The following UBE2E3 variants were observed in gnomAD, a reference collection of about 807,000 sequenced individuals.
UBE2E3 encodes ubiquitin conjugating enzyme E2 E3.
In UBE2E3, 5 loss-of-function variants were observed where a neutral mutation model predicts 23.6. The observed-to-expected ratio is 0.21, with a 90% CI of 0.11 to 0.44. The LOEUF is 0.44. UBE2E3 is among the 20% of genes least tolerant of loss of function. The pLI is 0.99. For missense variants in UBE2E3, 81 were observed against 249.8 expected, an observed-to-expected ratio of 0.32 and a Z score of 4.55; for synonymous variants, 78 against 87.5, an observed-to-expected ratio of 0.89 and a Z score of 0.60.
At chr2:181,056,081 TAAA>T (rs58442227) in intron 3 of UBE2E3, among the ~76,000 whole-genome samples, 7 of 135,654 alleles carry the variant, frequency 5.2e-5, no homozygotes, top group Admixed American at 1.5e-4. Context: ...AGGAAATGCT[TAAA>T]AAAAAAAAAA....
chr2:181,037,758 C>T (rs1686346818), intron 3 of UBE2E3, among the ~76,000 whole-genome samples: 1 of 151,998 alleles, frequency 6.6e-6, no homozygotes, highest in African/African-American at 2.4e-5. Flanking sequence ...TATTTGAGGC[C>T]AGAAGTTTGA....
At chr2:181,022,541 A>G (rs1367290616) in intron 3 of UBE2E3, among the ~76,000 whole-genome samples, 1 of 152,140 alleles carries the variant, frequency 6.6e-6, no homozygotes, top group Non-Finnish European at 1.5e-5. Context: ...GGCCAACAGC[A>G]CTATAACCAT....
intron 3 of UBE2E3, among the ~76,000 whole-genome samples, chr2:181,008,906 CTTTT>C (rs3060037): frequency 2.8e-5 from 4 of 142,328 alleles, no homozygotes; most frequent in African/African-American, 5.2e-5. Flanking sequence ...GCAGTATGTG[CTTTT>C]TTTTTTTTTT....
At chr2:181,048,991 C>T (rs1454010429) in intron 3 of UBE2E3, among the ~76,000 whole-genome samples, 6 of 152,020 alleles carry the variant, frequency 3.9e-5, no homozygotes, top group Admixed American at 6.6e-5. Flanking sequence ...ACCTTTTCTC[C>T]CTCTCTTGGG....
intron 5 of UBE2E3, among the ~76,000 whole-genome samples, chr2:181,061,069 A>C (rs1687139592): frequency 6.6e-6 from 1 of 151,182 alleles, no homozygotes; most frequent in African/African-American, 2.4e-5. Flanking sequence ...TCATTAATGG[A>C]ATCTCTACTT....
At chr2:180,986,812 T>C (rs979413898) in intron 3 of UBE2E3, among the ~76,000 whole-genome samples, 3 of 152,126 alleles carry the variant, frequency 2.0e-5, no homozygotes, top group Admixed American at 6.5e-5. Context: ...TATATCTGTG[T>C]ACATTCAGGA....
chr2:180,990,901 A>G (rs1415171387), intron 3 of UBE2E3, among the ~76,000 whole-genome samples: 1 of 152,220 alleles, frequency 6.6e-6, no homozygotes, highest in Non-Finnish European at 1.5e-5. Context: ...CCTTTATTTG[A>G]AACCCTTGGG....
intron 3 of UBE2E3, among the ~76,000 whole-genome samples, chr2:181,049,915 A>G (rs1686774756): frequency 6.6e-6 from 1 of 151,962 alleles, no homozygotes; most frequent in Non-Finnish European, 1.5e-5. Context: ...AGGCCATGTG[A>G]TAAGGTTGTT....
chr2:181,046,060 A>G (rs952410574), intron 3 of UBE2E3, among the ~76,000 whole-genome samples: 2 of 152,176 alleles, frequency 1.3e-5, no homozygotes, highest in African/African-American at 4.8e-5. Context: ...TCTTCTGTTC[A>G]TCACTGTATT....
intron 3 of UBE2E3, among the ~76,000 whole-genome samples, chr2:181,056,647 C>G (rs1346141810): frequency 1.3e-5 from 2 of 151,718 alleles, no homozygotes; most frequent in Non-Finnish European, 2.9e-5. Context: ...CCAACATTGC[C>G]GCGTTTGGGG....
At chr2:181,043,230 C>G (rs1210619789) in intron 3 of UBE2E3, among the ~76,000 whole-genome samples, 2 of 152,060 alleles carry the variant, frequency 1.3e-5, no homozygotes, top group African/African-American at 4.8e-5. Context: ...ATGGTATGTT[C>G]TATTTTTTTA....
Position 181,063,087 on chromosome 2 carries a change from G to A in UBE2E3, c.*199G>A. ...AACTTTGTAGCTGTAGATTAGTTAT[G>A]TTTAAAACGCCTACTTGCAAGTCTT... On this transcript the variant is annotated 3_prime_UTR_variant, in exon 6 of 6. Transcript: ENST00000410062. This position sits in a 1 kb window ranked among gnomAD's most constrained non-coding sequence, Gnocchi z 4.1. 5.8e-6 allele frequency: 2 copies of A among 346,212 alleles called. No individual in the cohort carries two copies. The highest frequency in any genetic ancestry group is 1.1e-5 in the Non-Finnish European group (2 of 183,122). The allele number at this position is 346,212 out of a possible 1,614,324, so 21.4% of individuals were successfully genotyped here.
At chr2:181,031,889 T>A in intron 3 of UBE2E3, among the ~76,000 whole-genome samples, 1 of 152,198 alleles carries the variant, frequency 6.6e-6, no homozygotes, top group Non-Finnish European at 1.5e-5. Flanking sequence ...CCTGATTAAA[T>A]GTTTCCAGAC....
At chr2:180,994,539 C>T (rs1319234403) in intron 3 of UBE2E3, among the ~76,000 whole-genome samples, 2 of 152,158 alleles carry the variant, frequency 1.3e-5, no homozygotes, top group Non-Finnish European at 2.9e-5. Context: ...TTTTCAGTAG[C>T]TCCGTAATCA....
intron 3 of UBE2E3, among the ~76,000 whole-genome samples, chr2:181,028,016 A>G (rs986336861): frequency 2.6e-5 from 4 of 151,874 alleles, no homozygotes; most frequent in Middle Eastern, 3.2e-3. Flanking sequence ...CAGTCACTCT[A>G]TTTCCCTTCA....
Position 181,041,678 on chromosome 2 carries a change from C to T in UBE2E3, c.246-16015C>T, listed in dbSNP as rs138208734. Among the ~76,000 whole-genome samples the T allele has an allele frequency of 2.5e-3, 302 of 118,732 alleles. No individual in the cohort carries two copies. In the East Asian group the frequency reaches 0.031, roughly 12 times the overall value. 77.9% of individuals were successfully genotyped at this position (118,732 alleles called of 152,430 possible). The stretch of plus-strand genomic sequence containing the variant: ...GTCTCGAACTCCTGACCTTATGATC[C>T]GCCTGCCTCAGCCTCCCAGAGTGCT... On this transcript the variant is annotated intron_variant, in intron 3 of 5. Coordinates refer to ENST00000410062, the MANE Select transcript of UBE2E3 (RefSeq NM_006357.4).
At chr2:181,046,271 C>T (rs1686671154) in intron 3 of UBE2E3, among the ~76,000 whole-genome samples, 1 of 152,142 alleles carries the variant, frequency 6.6e-6, no homozygotes, top group Non-Finnish European at 1.5e-5. Context: ...TTTCGCAGGT[C>T]AGGGATTCCG....
chr2:181,053,248 A>C (rs1036620244), intron 3 of UBE2E3, among the ~76,000 whole-genome samples: 1 of 151,754 alleles, frequency 6.6e-6, no homozygotes, highest in African/African-American at 2.4e-5. Context: ...AAAATGTCTA[A>C]CCATATATCA....
chr2:180,998,655 A>G (rs942078444), intron 3 of UBE2E3, among the ~76,000 whole-genome samples: 2 of 152,168 alleles, frequency 1.3e-5, no homozygotes, highest in African/African-American at 4.8e-5. Context: ...ATACAAGAAT[A>G]TTAAGGCCCT....
Sources: gnomAD v4.1 joint callset for allele counts (sites outside exome capture counted in the v4.1 genomes callset) on GRCh38, gnomAD v4.1.1 for gene constraint, Gnocchi (gnomAD v3.1) non-coding constraint, MANE v1.5 for transcripts, NCBI Gene and HGNC (gene_info 2026-07-23, HGNC 2026-07-21) for gene names.